The following YWHAE variants were observed in gnomAD, a reference collection of about 807,000 sequenced individuals.
YWHAE encodes 14-3-3 protein epsilon.
YWHAE carries 4 observed loss-of-function variants against 30.1 expected under a neutral mutation model. The ratio of observed to expected loss-of-function variants is 0.13; its 90% CI spans 0.07 to 0.30. The LOEUF is 0.30. Among genes scored for constraint, YWHAE ranks in the 10% least tolerant of loss-of-function variants. The probability of loss-of-function intolerance (pLI) is 1.00; values close to 1 mark genes in which losing one functional copy is unlikely to be tolerated. For missense variants in YWHAE, 121 were observed against 315.9 expected (o/e 0.38, Z 4.68); for synonymous variants, 118 against 111.8 (o/e 1.06, Z -0.35).
intron 5 of YWHAE, among the ~76,000 whole-genome samples, chr17:1,348,375 T>C (rs2072561162): frequency 6.6e-6 from 1 of 152,108 alleles, no homozygotes; most frequent in Non-Finnish European, 1.5e-5. Flanking sequence ...TAAAATCACT[T>C]GAGAAAAAGC....
At position 1,376,358 on chromosome 17, in the gene YWHAE, A is replaced by C. The variant is rs561871589; in HGVS notation, c.65-11300T>G. Among the ~76,000 whole-genome samples the C allele has an allele frequency of 2.3e-4, 35 of 151,606 alleles. 1 individual carries two copies. The South Asian group carries it at 2.9e-3, about 13-fold the overall frequency. ...CAGAAAGACAGACAGAAAGACAAGA[A>C]AGACAGACAGACAGACAGAAAGAAA... On this transcript the variant is annotated intron_variant, in intron 1 of 5. Transcript: ENST00000264335.
Position 1,382,362 on chromosome 17 carries a change from G to A in YWHAE, c.65-17304C>T, listed in dbSNP as rs939251688. On this transcript the variant is annotated intron_variant, in intron 1 of 5. Transcript: ENST00000264335. ...CGCGCCCGGCCTTTTTTTTTTTTTTGAGATGGAGTCTCACTCTGTTGACCA... is the reference window on the plus strand; with the variant it reads ...CGCGCCCGGCCTTTTTTTTTTTTTTAAGATGGAGTCTCACTCTGTTGACCA... Among the ~76,000 whole-genome samples the A allele has an allele frequency of 1.1e-4, 6 of 54,990 alleles. No homozygotes were observed. The South Asian group carries it at 3.6e-3, about 33-fold the overall frequency. The allele number at this position is 54,990 out of a possible 152,430, so 36.1% of individuals were successfully genotyped here. A position where few individuals can be genotyped will look rare whatever the true frequency, so the allele number is the denominator to read the frequency against.
Position 1,400,051 on chromosome 17 carries a change from G to A in YWHAE, c.60C>T (p.Tyr20=), listed in dbSNP as rs766205233. ...CCCGTTGCCCCCCCAACTCACCGTC[G>A]TATCGCTCAGCCTGCTCGGCCAGCT... ...QAKLAEQAER[Y]DEMVESMKKV... The change falls in exon 1 of 6, where the codon TAC becomes TAT. Residue 20 remains tyrosine, a synonymous_variant. Coordinates refer to ENST00000264335, the MANE Select transcript of YWHAE (RefSeq NM_006761.5). The A allele has an allele frequency of 5.8e-5, 93 of 1,610,890 alleles. No individual in the cohort carries two copies. In the South Asian group the frequency reaches 9.7e-4, roughly 17 times the overall value.
chr17:1,358,717 C>A (rs2150847073), intron 4 of YWHAE, among the ~76,000 whole-genome samples: 1 of 151,578 alleles, frequency 6.6e-6, no homozygotes. Context: ...GTAATCCCAG[C>A]TACTTGAGAG....
chr17:1,395,569 TAAG>T (rs1343966468), intron 1 of YWHAE, among the ~76,000 whole-genome samples: 4 of 152,232 alleles, frequency 2.6e-5, no homozygotes, highest in Admixed American at 1.3e-4. Context: ...TCTATGCATT[TAAG>T]AAGGAGAAAA....
intron 1 of YWHAE, among the ~76,000 whole-genome samples, chr17:1,372,175 C>G (rs1003874020): frequency 2.0e-5 from 3 of 152,178 alleles, no homozygotes; most frequent in Non-Finnish European, 4.4e-5. Flanking sequence ...TGGCATCTTT[C>G]CTTAAACCTT....
chr17:1,399,733 G>C, intron 1 of YWHAE: 1 of 488,540 alleles, frequency 2.0e-6, no homozygotes, highest in Non-Finnish European at 3.7e-6. Flanking sequence ...GACAGCACCC[G>C]CCATCTCCTC....
At chr17:1,384,774 C>G (rs889114122) in intron 1 of YWHAE, among the ~76,000 whole-genome samples, 41 of 151,986 alleles carry the variant, frequency 2.7e-4, no homozygotes, top group Non-Finnish European at 5.9e-5. Context: ...GGCGCTATCT[C>G]GGCTCACTGC....
At chr17:1,353,036 AAACAT>A (rs2072661890) in intron 5 of YWHAE, among the ~76,000 whole-genome samples, 1 of 152,180 alleles carries the variant, frequency 6.6e-6, no homozygotes, top group African/African-American at 2.4e-5. Context: ...TAAAATCAAC[AAACAT>A]AACAAATTTG....
chr17:1,372,659 G>C (rs1343740177), intron 1 of YWHAE, among the ~76,000 whole-genome samples: 4 of 152,122 alleles, frequency 2.6e-5, no homozygotes, highest in Non-Finnish European at 4.4e-5. Flanking sequence ...GAGGGAGAGA[G>C]ACAGGGAGTC....
chr17:1,371,792 A>G (rs189110706), intron 1 of YWHAE, among the ~76,000 whole-genome samples: 2 of 151,528 alleles, frequency 1.3e-5, no homozygotes, highest in South Asian at 2.1e-4. Context: ...CTAAATCTGG[A>G]TAATTTGCTG....
intron 1 of YWHAE, among the ~76,000 whole-genome samples, chr17:1,383,458 G>C (rs1194455512): frequency 1.4e-5 from 2 of 146,976 alleles, no homozygotes; most frequent in African/African-American, 5.1e-5. Context: ...CACAATTTCA[G>C]CTCCTGGCAA....
chr17:1,365,282 A>T (rs2072924881), intron 1 of YWHAE, among the ~76,000 whole-genome samples: 2 of 152,214 alleles, frequency 1.3e-5, no homozygotes, highest in Admixed American at 6.5e-5. Context: ...GGAGTGAGAA[A>T]GACTTCATAT....
chr17:1,395,666 A>C (rs989113181), intron 1 of YWHAE, among the ~76,000 whole-genome samples: 4 of 152,236 alleles, frequency 2.6e-5, no homozygotes, highest in East Asian at 3.8e-4. Context: ...CTGGTAGTTA[A>C]TCTAAATACT....
intron 2 of YWHAE, among the ~76,000 whole-genome samples, chr17:1,364,067 TAC>T (rs1391342296): frequency 1.3e-5 from 2 of 152,182 alleles, no homozygotes; most frequent in African/African-American, 2.4e-5. Context: ...ACTGCTGCAT[TAC>T]AGTGATGGCT....
chr17:1,359,603 ATAT>A (rs1567962226), intron 4 of YWHAE, among the ~76,000 whole-genome samples: 1 of 152,052 alleles, frequency 6.6e-6, no homozygotes, highest in East Asian at 1.9e-4. Flanking sequence ...AAAAGGACAA[ATAT>A]TATATGATCC....
chr17:1,382,038 AAGTAGT>A (rs150481538), intron 1 of YWHAE, among the ~76,000 whole-genome samples: 2,225 of 151,710 alleles, frequency 0.015, 49 homozygotes, highest in African/African-American at 0.051. Context: ...CTTGCGGCAT[AAGTAGT>A]AGTTTTTTTG....
chr17:1,386,287 C>T (rs1385308428), intron 1 of YWHAE, among the ~76,000 whole-genome samples: 1 of 152,156 alleles, frequency 6.6e-6, no homozygotes, highest in Non-Finnish European at 1.5e-5. Context: ...ATGGGACACC[C>T]AGCAACTGAT....
At chr17:1,346,823 G>A (rs567749341) in intron 5 of YWHAE, among the ~76,000 whole-genome samples, 368 of 148,878 alleles carry the variant, frequency 2.5e-3, no homozygotes, top group Non-Finnish European at 4.1e-3. Flanking sequence ...CATCTCTACT[G>A]AAAAAATAAT....
Sources: gnomAD v4.1 joint callset for allele counts (sites outside exome capture counted in the v4.1 genomes callset) on GRCh38, gnomAD v4.1.1 for gene constraint, MANE v1.5 for transcripts, NCBI Gene and HGNC (gene_info 2026-07-23, HGNC 2026-07-21) for gene names.